STK40: variants seen among roughly 807,000 people sequenced by gnomAD.
The protein encoded by STK40 is serine/threonine kinase 40.
A neutral mutation model predicts 47.9 loss-of-function variants in STK40; 13 were observed. The observed-to-expected ratio is 0.27, with a 90% CI of 0.18 to 0.43. The LOEUF is 0.43. Among genes scored for constraint, STK40 ranks in the 20% least tolerant of loss-of-function variants. The pLI, the probability that STK40 is intolerant of heterozygous loss-of-function variation, is 1.00. For missense variants in STK40, 460 were observed against 595.1 expected (o/e 0.77, Z 2.36); for synonymous variants, 225 against 243.2 (o/e 0.93, Z 0.69).
At chr1:36,343,326 G>T in intron 10 of STK40, 38 bp downstream of exon 10, 1 of 1,595,948 alleles carries the variant, frequency 6.3e-7, no homozygotes, top group Non-Finnish European at 8.6e-7. Context: ...CCTGTCCCTT[G>T]GGGCTGGGTA....
intron 1 of STK40, among the ~76,000 whole-genome samples, chr1:36,364,572 T>C (rs1056193531): frequency 1.3e-5 from 2 of 152,234 alleles, no homozygotes; most frequent in African/African-American, 4.8e-5. Context: ...CTGCTATGTA[T>C]TAGTGTTACT....
chr1:36,363,176 T>C (rs1237872542), intron 1 of STK40, among the ~76,000 whole-genome samples: 3 of 151,356 alleles, frequency 2.0e-5, no homozygotes, highest in East Asian at 1.9e-4. Context: ...TAGCTGGGCA[T>C]GATGGTGGGC....
chr1:36,375,977 G>C (rs1348028770), intron 1 of STK40, among the ~76,000 whole-genome samples: 2 of 151,520 alleles, frequency 1.3e-5, no homozygotes, highest in Non-Finnish European at 1.5e-5. Flanking sequence ...CGCTGAGATC[G>C]CGCCATTGCA....
intron 5 of STK40, 142 bp downstream of exon 5, chr1:36,355,064 T>G: frequency 1.2e-6 from 1 of 845,102 alleles, no homozygotes; most frequent in Non-Finnish European, 1.9e-6. Flanking sequence ...CCTGTGCACC[T>G]GCCATTCAGT....
intron 1 of STK40, among the ~76,000 whole-genome samples, chr1:36,377,734 T>C (rs748626249): frequency 3.9e-5 from 6 of 152,128 alleles, no homozygotes; most frequent in Non-Finnish European, 7.4e-5. Context: ...GCTCTCCAGA[T>C]AGGCTGCAAA....
intron 7 of STK40, among the ~76,000 whole-genome samples, chr1:36,347,570 A>C (rs1020780596): frequency 5.3e-5 from 8 of 152,232 alleles, no homozygotes; most frequent in Non-Finnish European, 1.2e-4. Flanking sequence ...TGTGTGGTTT[A>C]AACAGATAAC....
At chr1:36,342,351 C>T (rs1378279063) in intron 10 of STK40, 3 of 272,984 alleles carry the variant, frequency 1.1e-5, no homozygotes, top group South Asian at 3.7e-5. Flanking sequence ...GGGCTGGGGG[C>T]GCAGCACCTG....
intron 1 of STK40, among the ~76,000 whole-genome samples, chr1:36,378,333 T>C (rs2124752698): frequency 6.6e-6 from 1 of 152,330 alleles, no homozygotes; most frequent in East Asian, 1.9e-4. Context: ...ACTGGCTGTG[T>C]AATAGTAGAC....
Position 36,344,252 on chromosome 1 carries a change from C to A in STK40, c.752G>T (p.Arg251Leu), listed in dbSNP as rs150712193. The A allele has an allele frequency of 1.2e-6, 2 of 1,604,604 alleles. No homozygotes were observed. Among genetic ancestry groups the A allele is most frequent in the South Asian group, 2.2e-5 (2 of 89,752 alleles). ...SPDVLSGRPY[R>L]GKPSDMWALG... ...GGCCCACATGTCACTGGGCTTGCCA[C>A]GGTACGGCCGGCCTACGGGCACACA... Residue 251 changes from arginine (R) to leucine (L), a missense_variant, in exon 8 of 11, where the codon CGT becomes CTT. Around this residue, in one of 3 missense-constraint regions of STK40, gnomAD observed 277 missense variants for 358.7 expected, o/e 0.77. Coordinates refer to ENST00000373132, the MANE Select transcript of STK40 (RefSeq NM_001282547.2).
At chr1:36,354,040 C>T (rs1225476708) in intron 6 of STK40, among the ~76,000 whole-genome samples, 1 of 152,194 alleles carries the variant, frequency 6.6e-6, no homozygotes, top group African/African-American at 2.4e-5. Context: ...GCTGGGATTA[C>T]AGGCGGGAGC....
At chr1:36,364,238 C>G (rs1173198309) in intron 1 of STK40, among the ~76,000 whole-genome samples, 2 of 152,002 alleles carry the variant, frequency 1.3e-5, no homozygotes, top group African/African-American at 2.4e-5. Flanking sequence ...AGCAGAATTG[C>G]AGAGTCAAGT....
At chr1:36,367,828 G>A (rs1186295212) in intron 1 of STK40, 50 of 985,578 alleles carry the variant, frequency 5.1e-5, no homozygotes, top group Middle Eastern at 5.2e-4. Flanking sequence ...ACATAGGAGC[G>A]CACACATGCT....
chr1:36,367,364 C>T (rs986737228), intron 1 of STK40, among the ~76,000 whole-genome samples: 1 of 152,208 alleles, frequency 6.6e-6, no homozygotes, highest in South Asian at 2.1e-4. Context: ...CAACTGTGGG[C>T]CTCAGTGTGA....
intron 6 of STK40, among the ~76,000 whole-genome samples, chr1:36,350,090 A>G (rs1646737576): frequency 6.6e-6 from 1 of 152,194 alleles, no homozygotes; most frequent in Non-Finnish European, 1.5e-5. Flanking sequence ...CTCGATGCAA[A>G]ACAAAGGCCA....
rs187274898 is a variant in STK40, at chr1:36,365,390, C to T, written c.-8-4050G>A. On this transcript the variant is annotated intron_variant, in intron 1 of 10. Transcript: ENST00000373132. ...CACTGCAGGTCTAATCTACCAGGCT[C>T]CCAATTTGTTTTCAGAGCTGTGCCA... Among the ~76,000 whole-genome samples the T allele has an allele frequency of 4.0e-3, 614 of 152,314 alleles. 2 individuals are homozygous for T. Among genetic ancestry groups the T allele is most frequent in the Middle Eastern group, 6.8e-3 (2 of 294 alleles).
chr1:36,343,876 C>A lies in STK40; in HGVS notation c.988G>T (p.Ala330Ser). ...TCCACTTACCATGATGCAATGATGG[C>A]ACTGAGGGCCTCCAGGACGTCGGCG... ...AAADVLEALSAIIASWQSLSS... is the reference protein window; with the variant it reads ...AAADVLEALSSIIASWQSLSS... Residue 330 changes from alanine (A) to serine (S), a missense_variant, in exon 9 of 11, where the codon GCC becomes TCC. By Grantham distance (99) the Ala-to-Ser change is moderately conservative. Coordinates refer to ENST00000373132, the MANE Select transcript of STK40 (RefSeq NM_001282547.2). The A allele has an allele frequency of 6.2e-7, 1 of 1,600,624 alleles. No individual in the cohort carries two copies. Among genetic ancestry groups the A allele is most frequent in the Non-Finnish European group, 8.5e-7 (1 of 1,170,610 alleles).
intron 10 of STK40, 135 bp from the exon 11 acceptor site, chr1:36,342,108 C>T: frequency 5.9e-6 from 5 of 849,986 alleles, no homozygotes. Context: ...CCTCAGGCCT[C>T]AAGGCCGGGG....
At chr1:36,374,991 A>G (rs1646979602) in intron 1 of STK40, among the ~76,000 whole-genome samples, 1 of 152,224 alleles carries the variant, frequency 6.6e-6, no homozygotes, top group African/African-American at 2.4e-5. Flanking sequence ...CTTACCACCC[A>G]TGATAGCCCA....
Position 36,354,452 on chromosome 1 carries a change from T to C in STK40, c.571-36A>G, listed in dbSNP as rs191341091. The C allele has an allele frequency of 2.4e-4, 393 of 1,612,826 alleles. No homozygotes were observed. In the East Asian group the frequency reaches 4.3e-3, roughly 18 times the overall value. ...ACAGGCGTATGGTTTACATTGTCAA[T>C]GTGAGAGGTGGGGTCAGGGCCCACC... is the stretch of plus-strand genomic sequence containing the variant. On this transcript the variant is annotated intron_variant, in intron 5 of 10. Coordinates refer to ENST00000373132, the MANE Select transcript of STK40 (RefSeq NM_001282547.2).
Sources: gnomAD v4.1 joint callset for allele counts (sites outside exome capture counted in the v4.1 genomes callset) on GRCh38, gnomAD v4.1.1 for gene constraint, gnomAD v4.1.1 regional missense constraint, MANE v1.5 for transcripts, NCBI Gene and HGNC (gene_info 2026-07-23, HGNC 2026-07-21) for gene names.